ACACB: variants seen among roughly 807,000 people sequenced by gnomAD.
ACACB encodes the protein acetyl-CoA carboxylase 2.
ACACB carries 209 observed loss-of-function variants against 278.8 expected under a neutral mutation model. That is an observed-to-expected ratio of 0.75 (90% CI 0.67 to 0.84). ACACB has a LOEUF of 0.84. Among genes scored for constraint, ACACB ranks in the 40% least tolerant of loss-of-function variants. The pLI, the probability that ACACB is intolerant of heterozygous loss-of-function variation, is 0.00. For synonymous variants in ACACB, 1,174 were observed against 1,285.6 expected, an observed-to-expected ratio of 0.91 and a Z score of 1.86; for missense variants, 2,850 against 3,269.0, an observed-to-expected ratio of 0.87 and a Z score of 3.13.
At chr12:109,138,723 G>A (rs1487026918) in intron 1 of ACACB, among the ~76,000 whole-genome samples, 1 of 152,158 alleles carries the variant, frequency 6.6e-6, no homozygotes, top group Non-Finnish European at 1.5e-5. Flanking sequence ...AGGCATGGTG[G>A]TGCATGCCTG....
At chr12:109,117,716 C>T (rs921044582) in intron 1 of ACACB, among the ~76,000 whole-genome samples, 4 of 152,166 alleles carry the variant, frequency 2.6e-5, no homozygotes, top group Non-Finnish European at 5.9e-5. Flanking sequence ...ACCAACCATC[C>T]CACTTTGCCC....
intron 13 of ACACB, among the ~76,000 whole-genome samples, chr12:109,188,871 C>T (rs2044765472): frequency 6.6e-6 from 1 of 152,158 alleles, no homozygotes; most frequent in Non-Finnish European, 1.5e-5. Flanking sequence ...GGGAGGGAAA[C>T]TCCTTTACAT....
At chr12:109,162,239 A>G (rs902812677) in intron 2 of ACACB, among the ~76,000 whole-genome samples, 2 of 151,968 alleles carry the variant, frequency 1.3e-5, no homozygotes, top group Non-Finnish European at 2.9e-5. Flanking sequence ...TTCGCCTCCC[A>G]AAGTGCTGGG....
rs778648797 is a variant in ACACB at position 109,139,574 on chromosome 12, A to G, written c.169A>G (p.Thr57Ala). 4.3e-6 allele frequency: 7 copies of G among 1,614,004 alleles called. No individual in the cohort carries two copies. In the South Asian group the frequency reaches 6.6e-5, roughly 15 times the overall value. ...TCCAGCCTCTGATAACTCAGGGGAG[A>G]CACCGCAGAGAAATGGGGAGGGCCA... Reference protein sequence around the residue: ...PFPASDNSGETPQRNGEGHTL... With the variant: ...PFPASDNSGEAPQRNGEGHTL... The change falls in exon 2 of 53, where the codon ACA (threonine) becomes GCA (alanine). Residue 57 changes from threonine to alanine, a missense_variant. Physicochemically the swap from Thr to Ala is moderately conservative, Grantham distance 58. Transcript: ENST00000338432.
intron 1 of ACACB, among the ~76,000 whole-genome samples, chr12:109,131,168 C>T (rs2042815392): frequency 1.3e-5 from 2 of 152,184 alleles, no homozygotes; most frequent in African/African-American, 2.4e-5. Flanking sequence ...AGCTTGAGGT[C>T]AGGAGAAGGC....
chr12:109,253,651 AAAGT>A (rs2136773376), intron 43 of ACACB, among the ~76,000 whole-genome samples: 1 of 152,330 alleles, frequency 6.6e-6, no homozygotes, highest in East Asian at 1.9e-4. Context: ...GGTCCTCACC[AAAGT>A]AAGAAGGGGA....
chr12:109,223,962 C>A, intron 27 of ACACB, 58 bp downstream of exon 27: 1 of 1,422,980 alleles, frequency 7.0e-7, no homozygotes, highest in Non-Finnish European at 9.9e-7. Context: ...TGTTCACTGC[C>A]GCTACCATGC....
At chr12:109,147,987 AT>A (rs959416913) in intron 2 of ACACB, among the ~76,000 whole-genome samples, 1 of 151,964 alleles carries the variant, frequency 6.6e-6, no homozygotes, top group African/African-American at 2.4e-5. Context: ...CCAATTTTAA[AT>A]TTTTCTTCTG....
intron 24 of ACACB, among the ~76,000 whole-genome samples, chr12:109,221,957 A>G (rs563285522): frequency 6.2e-4 from 92 of 148,776 alleles, no homozygotes; most frequent in Admixed American, 3.2e-3. Context: ...ATCTCAGCTC[A>G]CTGCAACCTC....
chr12:109,136,328 T>C (rs1331890672), intron 1 of ACACB, among the ~76,000 whole-genome samples: 3 of 152,238 alleles, frequency 2.0e-5, no homozygotes, highest in Admixed American at 2.0e-4. Context: ...TTGGGGCCTC[T>C]TGAAATTCCA....
intron 15 of ACACB, among the ~76,000 whole-genome samples, chr12:109,192,944 C>T (rs993275544): frequency 2.0e-4 from 30 of 152,178 alleles, no homozygotes; most frequent in African/African-American, 7.0e-4. Flanking sequence ...AGATTATAGG[C>T]GTGAGCCACT....
chr12:109,237,359 G>T lies in ACACB; in HGVS notation c.4641G>T (p.Arg1547Ser). 1 of 1,614,090 alleles carries T rather than the reference G, an allele frequency of 6.2e-7. No individual in the cohort carries two copies. Among genetic ancestry groups the T allele is most frequent in the Non-Finnish European group, 8.5e-7 (1 of 1,180,004 alleles). Residue 1547 changes from arginine (R) to serine (S), a missense_variant, in exon 34 of 53, where the codon AGG (arginine) becomes AGT (serine). Around this residue, in one of 3 missense-constraint regions of ACACB, gnomAD observed 2,265 missense variants for 2,561.3 expected, o/e 0.88. Transcript: ENST00000338432. ...DHRFFIRAII[R>S]HSDLITKEAS... is the part of the protein sequence containing the mutation. ...GGTTCTTCATCCGCGCCATCATCAG[G>T]CACTCTGACCTGATCACAAAGGTAA...
rs780940793 is a variant in ACACB at position 109,265,265 on chromosome 12, G to C, written c.7098G>C (p.Thr2366=). ...TGCTGCGTCGCTGGTTCGTGGAGAC[G>C]GAGGGGGCTGTCAAGGTGGGCCTGG... ...QSMLRRWFVE[T]EGAVKAYLWD... Residue 2366 remains threonine, a synonymous_variant, in exon 51 of 53, where the codon ACG becomes ACC. Transcript: ENST00000338432. 23 of 1,613,030 alleles carry C rather than the reference G, an allele frequency of 1.4e-5. No homozygotes were observed. Among genetic ancestry groups the C allele is most frequent in the Non-Finnish European group, 1.9e-5 (23 of 1,179,944 alleles).
chr12:109,173,329 A>G (rs1033339152), intron 6 of ACACB, among the ~76,000 whole-genome samples: 20 of 152,236 alleles, frequency 1.3e-4, no homozygotes, highest in African/African-American at 4.8e-4. Context: ...GTTTAGGGGA[A>G]TCATTTACTA....
intron 45 of ACACB, among the ~76,000 whole-genome samples, chr12:109,257,476 C>G (rs1405730341): frequency 4.6e-5 from 7 of 152,306 alleles, no homozygotes; most frequent in Non-Finnish European, 1.5e-5. Context: ...AGCTGAGTCT[C>G]TGTCCAGTTC....
intron 2 of ACACB, among the ~76,000 whole-genome samples, chr12:109,160,879 CAAG>C (rs745787504): frequency 5.9e-4 from 90 of 152,250 alleles, no homozygotes; most frequent in Non-Finnish European, 1.2e-3. Flanking sequence ...ACATGGTGGC[CAAG>C]AATGGTTTTT....
intron 46 of ACACB, 38 bp from the exon 47 acceptor site, chr12:109,258,935 G>T (rs774274372): frequency 4.3e-6 from 7 of 1,610,528 alleles, no homozygotes. Flanking sequence ...GGTTGTGGTT[G>T]TGCAGAGACA....
intron 48 of ACACB, among the ~76,000 whole-genome samples, chr12:109,261,885 A>C (rs1410032902): frequency 6.6e-6 from 1 of 151,698 alleles, no homozygotes; most frequent in African/African-American, 2.4e-5. Flanking sequence ...AAAAACAAAA[A>C]AAAAAAAAAA....
chr12:109,189,029 G>A (rs960576989), intron 13 of ACACB, among the ~76,000 whole-genome samples: 9 of 152,190 alleles, frequency 5.9e-5, no homozygotes, highest in African/African-American at 2.2e-4. Flanking sequence ...TCCCATACTT[G>A]TGATAGTTTC....
Sources: allele counts gnomAD v4.1 joint callset (sites outside exome capture counted in the v4.1 genomes callset), GRCh38; gene constraint gnomAD v4.1.1; regional missense constraint gnomAD v4.1.1; transcripts MANE v1.5; gene names NCBI Gene and HGNC (gene_info 2026-07-23, HGNC 2026-07-21).